Variants in NXN observed in about 807,000 individuals in gnomAD.
The protein encoded by NXN is nucleoredoxin, also known as nucleoredoxin 1.
Under a neutral mutation model 48.6 loss-of-function variants are expected in NXN, and 16 were observed. The ratio of observed to expected loss-of-function variants is 0.33; its 90% CI spans 0.22 to 0.50. NXN has a LOEUF of 0.50. Ranked by LOEUF, NXN falls within the 20% of genes least tolerant of loss-of-function variation. NXN has a pLI of 0.98. For missense variants in NXN, 492 were observed against 605.5 expected (o/e 0.81, Z 1.97); for synonymous variants, 281 against 269.6 (o/e 1.04, Z -0.41).
rs777406672 is a variant in NXN at position 805,174 on chromosome 17, G to A, written c.894C>T (p.Asn298=). The change falls in exon 6 of 8, where the codon AAC becomes AAT. Residue 298 remains asparagine (N), a synonymous_variant. Coordinates refer to ENST00000336868, the MANE Select transcript of NXN (RefSeq NM_022463.5). ...AGGGGAACTCCCGGCAGTCCTCGTC[G>A]TTCAGCACCTCCACCCGCCCCTGCC... The part of the protein sequence containing the change: ...ITRQGRVEVL[N]DEDCREFPWH... The A allele has an allele frequency of 2.1e-5, 34 of 1,609,872 alleles. No individual in the cohort carries two copies. The highest frequency in any genetic ancestry group is 3.3e-4 in the Middle Eastern group (2 of 6,032).
intron 1 of NXN, among the ~76,000 whole-genome samples, chr17:898,085 G>T (rs533913044): frequency 2.6e-5 from 4 of 152,294 alleles, no homozygotes; most frequent in Non-Finnish European, 5.9e-5. Context: ...CCCACCTACT[G>T]CTGTGCCTTT....
At chr17:815,870 GCACA>G (rs1445030789) in intron 5 of NXN, among the ~76,000 whole-genome samples, 4 of 152,348 alleles carry the variant, frequency 2.6e-5, no homozygotes, top group South Asian at 2.1e-4. Flanking sequence ...GCACACACGT[GCACA>G]CACAGAGGCC....
chr17:825,997 T>G lies in NXN; in HGVS notation c.442A>C (p.Arg148=). Residue 148 remains arginine (R), a synonymous_variant, in exon 2 of 8, where the codon AGG becomes CGG. Transcript: ENST00000336868. This position sits in a 1 kb window ranked among gnomAD's most constrained non-coding sequence, Gnocchi z 4.1. ...LDATTGKVVC[R]NGLLVIRDDP... is the part of the protein sequence containing the mutation. The stretch of plus-strand genomic sequence containing the variant: ...TCTCGGATCACCAGCAGCCCGTTCC[T>G]GCACACAACCTTCCCAGTGGTGGCG... The G allele has an allele frequency of 6.2e-7, 1 of 1,613,908 alleles. No individual in the cohort carries two copies. Among genetic ancestry groups the G allele is most frequent in the Non-Finnish European group, 8.5e-7 (1 of 1,179,880 alleles).
chr17:931,565 A>G (rs534419597), intron 1 of NXN, among the ~76,000 whole-genome samples: 242 of 152,174 alleles, frequency 1.6e-3, no homozygotes, highest in African/African-American at 3.4e-3. Flanking sequence ...GGCCGGGCGC[A>G]GTGGCTCACA....
At chr17:847,002 G>A (rs887892939) in intron 1 of NXN, among the ~76,000 whole-genome samples, 5 of 152,132 alleles carry the variant, frequency 3.3e-5, no homozygotes, top group South Asian at 2.1e-4. Context: ...ATGTGACTAC[G>A]TAGCGCCTAC....
chr17:865,133 C>T (rs149279851), intron 1 of NXN, among the ~76,000 whole-genome samples: 2 of 152,338 alleles, frequency 1.3e-5, no homozygotes, highest in East Asian at 1.9e-4. Flanking sequence ...CATCTCCCCT[C>T]CCTGTGCTCC....
intron 1 of NXN, among the ~76,000 whole-genome samples, chr17:976,972 G>T (rs2069467704): frequency 6.6e-6 from 1 of 152,064 alleles, no homozygotes; most frequent in Non-Finnish European, 1.5e-5. Context: ...CTCCATGTTG[G>T]TCAGGCTGGT....
chr17:838,564 G>A (rs190832521), intron 1 of NXN, among the ~76,000 whole-genome samples: 1 of 152,296 alleles, frequency 6.6e-6, no homozygotes, highest in Non-Finnish European at 1.5e-5. Flanking sequence ...ACGCCGAGTC[G>A]GCTTTCAAAA....
intron 1 of NXN, among the ~76,000 whole-genome samples, chr17:979,004 C>T (rs946605279): frequency 2.7e-5 from 4 of 149,606 alleles, no homozygotes; most frequent in African/African-American, 9.9e-5. Context: ...GGGGCTCGAG[C>T]CGGGATCCCG....
intron 6 of NXN, 48 bp downstream of exon 6, chr17:805,020 T>TGCCCCCCCCCCCCCCCCCCCCCCCCC: frequency 6.6e-7 from 1 of 1,512,882 alleles, no homozygotes; most frequent in Non-Finnish European, 9.0e-7. Context: ...GCCCCTCCTG[T>TGCCCCCCCCCCCCCCCCCCCCCCCCC]CCCGCCCCCC....
intron 1 of NXN, among the ~76,000 whole-genome samples, chr17:846,779 G>A (rs559326403): frequency 1.3e-5 from 2 of 152,134 alleles, no homozygotes; most frequent in East Asian, 3.8e-4. Context: ...AAAGGAATGT[G>A]AGCTGGTACT....
intron 1 of NXN, among the ~76,000 whole-genome samples, chr17:972,314 A>T (rs1049300618): frequency 8.6e-5 from 13 of 151,640 alleles, no homozygotes; most frequent in East Asian, 3.9e-4. Context: ...AAAAAAATTT[A>T]AAAAATACAA....
At chr17:947,056 C>T (rs1312758801) in intron 1 of NXN, among the ~76,000 whole-genome samples, 1 of 152,202 alleles carries the variant, frequency 6.6e-6, no homozygotes, top group African/African-American at 2.4e-5. Context: ...CGCCAGCACT[C>T]AGGGCCCAGC....
chr17:853,138 C>T (rs1017090311), intron 1 of NXN, among the ~76,000 whole-genome samples: 4 of 151,982 alleles, frequency 2.6e-5, no homozygotes, highest in Middle Eastern at 3.2e-3. Flanking sequence ...CCACCATGCC[C>T]GGCTAAAAAC....
chr17:923,291 G>T (rs192698028), intron 1 of NXN, among the ~76,000 whole-genome samples: 1 of 152,026 alleles, frequency 6.6e-6, no homozygotes, highest in Non-Finnish European at 1.5e-5. Flanking sequence ...CCAGTGTTTC[G>T]CACAGAAAAA....
chr17:844,775 G>C (rs1455154257), intron 1 of NXN, among the ~76,000 whole-genome samples: 1 of 152,004 alleles, frequency 6.6e-6, no homozygotes, highest in Non-Finnish European at 1.5e-5. Flanking sequence ...AGTAGAGACA[G>C]GGTTTCATCA....
At chr17:815,829 TCAAA>T (rs370568962) in intron 5 of NXN, among the ~76,000 whole-genome samples, 9 of 152,198 alleles carry the variant, frequency 5.9e-5, no homozygotes, top group South Asian at 2.1e-4. Flanking sequence ...CCCAGCCACG[TCAAA>T]CAGAGTCACA....
intron 1 of NXN, among the ~76,000 whole-genome samples, chr17:940,140 G>T (rs977176227): frequency 8.0e-5 from 12 of 150,858 alleles, no homozygotes; most frequent in African/African-American, 2.9e-4. Flanking sequence ...AGGTGGGGGG[G>T]TCTCAGTATG....
intron 1 of NXN, among the ~76,000 whole-genome samples, chr17:955,775 G>A (rs992063082): frequency 8.6e-5 from 13 of 152,028 alleles, no homozygotes; most frequent in East Asian, 1.9e-4. Context: ...GGTGGCGGGC[G>A]CCTGTAGTCC....
Sources: gnomAD v4.1 joint callset for allele counts (sites outside exome capture counted in the v4.1 genomes callset) on GRCh38, gnomAD v4.1.1 for gene constraint, Gnocchi (gnomAD v3.1) non-coding constraint, MANE v1.5 for transcripts, NCBI Gene and HGNC (gene_info 2026-07-23, HGNC 2026-07-21) for gene names.